EPYC: variants seen among roughly 807,000 people sequenced by gnomAD.
EPYC encodes the protein epiphycan.
Under a neutral mutation model 30.1 loss-of-function variants are expected in EPYC, and 28 were observed. The observed-to-expected ratio is 0.93, with a 90% CI of 0.69 to 1.28. The LOEUF (loss-of-function observed/expected upper bound fraction) is 1.28. Ranked by LOEUF, EPYC falls within the 50% of genes most tolerant of loss-of-function variation. The pLI, the probability that EPYC is intolerant of heterozygous loss-of-function variation, is 0.00. For missense variants in EPYC, 382 were observed against 383.5 expected (o/e 1.00, Z 0.03); for synonymous variants, 144 against 141.4 (o/e 1.02, Z -0.13).
chr12:90,978,026 G>A (rs1425781235), intron 3 of EPYC, 62 bp downstream of exon 3: 4 of 1,420,388 alleles, frequency 2.8e-6, no homozygotes, highest in South Asian at 1.6e-5. Context: ...TAGAGTTGAA[G>A]CTGTGCAGTT....
intron 4 of EPYC, among the ~76,000 whole-genome samples, chr12:90,972,216 G>A (rs1316932412): frequency 2.6e-5 from 4 of 152,188 alleles, no homozygotes; most frequent in East Asian, 1.9e-4. Flanking sequence ...GGTACACCAC[G>A]TTTAAAATAA....
At chr12:90,991,196 T>C (rs1217347472) in intron 2 of EPYC, among the ~76,000 whole-genome samples, 1 of 152,202 alleles carries the variant, frequency 6.6e-6, no homozygotes, top group African/African-American at 2.4e-5. Flanking sequence ...CATTGAATAT[T>C]AGCAAGGAGA....
At chr12:90,971,749 C>T (rs1877052574) in intron 5 of EPYC, 51 bp downstream of exon 5, 2 of 1,004,310 alleles carry the variant, frequency 2.0e-6, no homozygotes, top group Non-Finnish European at 2.8e-6. Context: ...TAGTCAATGA[C>T]AGCAAATAAA....
chr12:90,977,508 T>C (rs1877214998), intron 3 of EPYC, among the ~76,000 whole-genome samples: 1 of 152,126 alleles, frequency 6.6e-6, no homozygotes, highest in African/African-American at 2.4e-5. Context: ...CTGAACAGGC[T>C]GGCTTCAAAC....
chr12:90,988,483 A>G (rs1040289450), intron 2 of EPYC, among the ~76,000 whole-genome samples: 10 of 152,152 alleles, frequency 6.6e-5, no homozygotes, highest in African/African-American at 2.4e-4. Flanking sequence ...ATTATATCTG[A>G]CATGGAGAAG....
intron 2 of EPYC, among the ~76,000 whole-genome samples, chr12:90,983,616 GC>G (rs1162837372): frequency 2.6e-5 from 4 of 152,064 alleles, no homozygotes; most frequent in Non-Finnish European, 5.9e-5. Flanking sequence ...TGACCCTGCA[GC>G]CATGCGAGGA....
At chr12:90,978,912 TAAC>T (rs1877260411) in intron 2 of EPYC, among the ~76,000 whole-genome samples, 1 of 152,182 alleles carries the variant, frequency 6.6e-6, no homozygotes, top group African/African-American at 2.4e-5. Context: ...ATTATTAAAA[TAAC>T]AAATATTGTA....
chr12:90,999,581 G>T (rs181038654), intron 2 of EPYC, among the ~76,000 whole-genome samples: 2 of 151,904 alleles, frequency 1.3e-5, no homozygotes, highest in African/African-American at 4.8e-5. Context: ...TATTGGTTAC[G>T]TTAGTAGTAT....
At chr12:90,983,498 C>T (rs1355473278) in intron 2 of EPYC, among the ~76,000 whole-genome samples, 2 of 152,098 alleles carry the variant, frequency 1.3e-5, no homozygotes, top group Non-Finnish European at 2.9e-5. Context: ...GAGTTGAGAG[C>T]GTTGGTTTGC....
chr12:90,971,974 T>A lies in EPYC; in HGVS notation c.528A>T (p.Ser176=). The A allele has an allele frequency of 6.2e-7, 1 of 1,601,600 alleles. No individual in the cohort carries two copies. Residue 176 remains serine, a synonymous_variant, in exon 5 of 7, where the codon TCA becomes TCT. Transcript: ENST00000261172. Reference sequence around the variant, plus strand: ...CTTCATCAATCTCAGATATTAAATTTGATGTCAGATCAATCCTTTTTAAAT... The same window carrying A: ...CTTCATCAATCTCAGATATTAAATTAGATGTCAGATCAATCCTTTTTAAAT... ...LSDLKRIDLT[S]NLISEIDEDA...
In EPYC at chr12:90,991,734, A is replaced by G. The variant is rs565018244; in HGVS notation, c.165+10667T>C. Among the ~76,000 whole-genome samples the G allele has an allele frequency of 2.6e-5, 4 of 152,276 alleles. No individual in the cohort carries two copies. The South Asian group carries it at 8.3e-4, about 32-fold the overall frequency. On this transcript the variant is annotated intron_variant, in intron 2 of 6. Coordinates refer to ENST00000261172, the MANE Select transcript of EPYC (RefSeq NM_004950.5). ...ACACCAAACCTGGGTCTCATCCACA[A>G]ATCATTCCAATTTCAGTAGTCCAGG...
chr12:90,976,433 T>C (rs1877182025), intron 3 of EPYC, among the ~76,000 whole-genome samples: 1 of 152,152 alleles, frequency 6.6e-6, no homozygotes, highest in Non-Finnish European at 1.5e-5. Context: ...TTATTTATTA[T>C]CCCATTTTTT....
Position 90,964,186 on chromosome 12 carries a change from T to C in EPYC, c.939A>G (p.Leu313=). 6.2e-7 allele frequency: 1 copy of C among 1,612,760 alleles called. No individual in the cohort carries two copies. The highest frequency in any genetic ancestry group is 8.5e-7 in the Non-Finnish European group (1 of 1,179,142). Residue 313 remains leucine (L), a synonymous_variant, in exon 7 of 7, where the codon CTA becomes CTG. Coordinates refer to ENST00000261172, the MANE Select transcript of EPYC (RefSeq NM_004950.5). ...CAAGGCTCCCAACAGGCAGACGAGG[T>C]AGACACATGTATGCTTGAGGAGTTT... is the stretch of plus-strand genomic sequence containing the variant. The part of the protein sequence containing the change: ...LSKTPQAYMC[L]PRLPVGSLV
In EPYC at chr12:90,964,051, T is replaced by G. The variant is rs1876828414; in HGVS notation, c.*105A>C. 2.3e-6 allele frequency: 2 copies of G among 873,670 alleles called. No individual in the cohort carries two copies. The highest frequency in any genetic ancestry group is 4.7e-5 in the South Asian group (2 of 42,416). The allele number at this position is 873,670 out of a possible 1,614,324, so 54.1% of individuals were successfully genotyped here. On this transcript the variant is annotated 3_prime_UTR_variant, in exon 7 of 7. Transcript: ENST00000261172. ...TTGTATTTTATGTAGTCATATCATC[T>G]CTCAGAACACAATCTCAAAGTATCA... is the stretch of plus-strand genomic sequence containing the variant.
intron 6 of EPYC, among the ~76,000 whole-genome samples, chr12:90,966,990 A>G (rs1442599654): frequency 6.6e-6 from 1 of 151,912 alleles, no homozygotes; most frequent in Admixed American, 6.6e-5. Flanking sequence ...TCCTGATTTT[A>G]GTAATTTGTG....
chr12:90,982,536 A>G (rs1035936425), intron 2 of EPYC, among the ~76,000 whole-genome samples: 3 of 151,952 alleles, frequency 2.0e-5, no homozygotes, highest in Middle Eastern at 3.4e-3. Context: ...TTTGCCTAAT[A>G]TTTGTATTAG....
At chr12:90,981,407 G>T (rs545937501) in intron 2 of EPYC, among the ~76,000 whole-genome samples, 6 of 152,170 alleles carry the variant, frequency 3.9e-5, no homozygotes, top group African/African-American at 9.6e-5. Context: ...AGATTGAACT[G>T]GGACTTTTAC....
rs114676968 is a variant in EPYC at position 90,999,656 on chromosome 12, G to C, written c.165+2745C>G. ...ACAACTCACCTTAATATATAAAAATGAGATAAATATGCTTACCACGAGTCA... is the reference window on the plus strand; with the variant it reads ...ACAACTCACCTTAATATATAAAAATCAGATAAATATGCTTACCACGAGTCA... On this transcript the variant is annotated intron_variant, in intron 2 of 6. Transcript: ENST00000261172. Among the ~76,000 whole-genome samples the C allele has an allele frequency of 5.8e-3, 879 of 152,144 alleles. 8 individuals carry two copies. The highest frequency in any genetic ancestry group is 0.02 in the African/African-American group (838 of 41,546).
At chr12:90,981,872 A>G (rs1877332750) in intron 2 of EPYC, among the ~76,000 whole-genome samples, 1 of 152,130 alleles carries the variant, frequency 6.6e-6, no homozygotes, top group Non-Finnish European at 1.5e-5. Context: ...TAGTTAATCT[A>G]CAGCTAAGTT....
Sources: gnomAD v4.1 joint callset for allele counts (sites outside exome capture counted in the v4.1 genomes callset) on GRCh38, gnomAD v4.1.1 for gene constraint, MANE v1.5 for transcripts, NCBI Gene and HGNC (gene_info 2026-07-23, HGNC 2026-07-21) for gene names.